ARL6IP5: variants seen among roughly 807,000 people sequenced by gnomAD.
ARL6IP5 encodes PRA1 family protein 3.
In ARL6IP5, 6 loss-of-function variants were observed where a neutral mutation model predicts 13.0. The observed-to-expected ratio is 0.46, with a 90% CI of 0.25 to 0.91. The LOEUF is 0.91. ARL6IP5 is among the 40% of genes least tolerant of loss of function. The pLI is 0.17. For synonymous variants in ARL6IP5, 91 were observed against 91.9 expected (o/e 0.99, Z 0.06); for missense variants, 208 against 248.8 (o/e 0.84, Z 1.10).
rs770764984 is a variant in ARL6IP5, at chr3:69,101,857, C to T, written c.195C>T (p.Asn65=). The T allele has an allele frequency of 6.2e-7, 1 of 1,613,700 alleles. No individual in the cohort carries two copies. Among genetic ancestry groups the T allele is most frequent in the Non-Finnish European group, 8.5e-7 (1 of 1,179,804 alleles). The change falls in exon 2 of 3, where the codon AAC becomes AAT. Residue 65 remains asparagine, a synonymous_variant. Coordinates refer to ENST00000273258, the MANE Select transcript of ARL6IP5 (RefSeq NM_006407.4). ...ISIVGFLSPF[N]MILGGIVVVL... ...ATTTCAGGTTTCTGAGTCCCTTCAACATGATCCTGGGAGGAATCGTGGTGG... is the reference window on the plus strand; with the variant it reads ...ATTTCAGGTTTCTGAGTCCCTTCAATATGATCCTGGGAGGAATCGTGGTGG...
At chr3:69,093,370 A>G (rs1283218821) in intron 1 of ARL6IP5, among the ~76,000 whole-genome samples, 3 of 152,156 alleles carry the variant, frequency 2.0e-5, no homozygotes, top group Non-Finnish European at 4.4e-5. Context: ...TCTGTAACAA[A>G]AGAGACAGGC....
chr3:69,086,015 G>A (rs1204630139), intron 1 of ARL6IP5, among the ~76,000 whole-genome samples: 1 of 152,096 alleles, frequency 6.6e-6, no homozygotes, highest in Non-Finnish European at 1.5e-5. Flanking sequence ...TGCTTCTCTC[G>A]CTTATGCAGG....
intron 1 of ARL6IP5, among the ~76,000 whole-genome samples, chr3:69,091,005 C>G (rs1452595290): frequency 6.6e-6 from 1 of 151,984 alleles, no homozygotes; most frequent in South Asian, 2.1e-4. Context: ...AAGACCAGCC[C>G]GGGCAACATG....
chr3:69,098,985 T>A (rs1289225096), intron 1 of ARL6IP5, among the ~76,000 whole-genome samples: 1 of 151,872 alleles, frequency 6.6e-6, no homozygotes, highest in Non-Finnish European at 1.5e-5. Flanking sequence ...GAGGAGGGGA[T>A]TTATTGGCTT....
intron 1 of ARL6IP5, 83 bp downstream of exon 1, chr3:69,085,306 A>G: frequency 6.8e-7 from 1 of 1,472,876 alleles, no homozygotes; most frequent in South Asian, 1.3e-5. Context: ...GGATGTAGAG[A>G]CGCTCTCTGA....
intron 1 of ARL6IP5, chr3:69,090,107 T>G (rs2092260578): frequency 4.1e-6 from 1 of 244,116 alleles, no homozygotes; most frequent in Non-Finnish European, 8.4e-6. Flanking sequence ...TCGTATTGTT[T>G]GTACCTTTAA....
intron 1 of ARL6IP5, chr3:69,099,908 A>G (rs2092300066): frequency 6.5e-6 from 1 of 152,696 alleles, no homozygotes; most frequent in African/African-American, 2.4e-5. Flanking sequence ...AATGCCCAAA[A>G]CTTTGTCTAA....
intron 1 of ARL6IP5, among the ~76,000 whole-genome samples, chr3:69,089,457 A>G (rs1315708664): frequency 6.6e-6 from 1 of 152,096 alleles, no homozygotes; most frequent in Non-Finnish European, 1.5e-5. Flanking sequence ...ACCAAATTCA[A>G]CTGCATCCCT....
intron 1 of ARL6IP5, among the ~76,000 whole-genome samples, chr3:69,098,285 C>T (rs1318859043): frequency 5.3e-5 from 7 of 130,864 alleles, no homozygotes; most frequent in Admixed American, 5.2e-4. Context: ...GCTCTTGTTG[C>T]CCAGGCTGGA....
chr3:69,097,924 G>A (rs533878728), intron 1 of ARL6IP5, among the ~76,000 whole-genome samples: 167 of 152,324 alleles, frequency 1.1e-3, no homozygotes, highest in African/African-American at 3.7e-3. Flanking sequence ...TGTTGTTGGC[G>A]AGATGGGACA....
chr3:69,098,524 C>T lies in ARL6IP5; in HGVS notation c.177-3315C>T, dbSNP rs539313558. ...CCTCCCAAAGTGCTGGGATTACAGA[C>T]ATGAGCCACCATGCCCAGCCCAGGC... On this transcript the variant is annotated intron_variant, in intron 1 of 2. Transcript: ENST00000273258. 2.6e-5 allele frequency among the ~76,000 whole-genome samples: 4 copies of T among 152,148 alleles called. No homozygotes were observed. In the South Asian group the frequency reaches 8.3e-4, roughly 32 times the overall value.
At chr3:69,094,488 C>T (rs1178774761) in intron 1 of ARL6IP5, among the ~76,000 whole-genome samples, 1 of 152,140 alleles carries the variant, frequency 6.6e-6, no homozygotes, top group African/African-American at 2.4e-5. Context: ...AGTGATCCCT[C>T]TGGCTGATTA....
At chr3:69,096,562 G>A (rs1265844114) in intron 1 of ARL6IP5, among the ~76,000 whole-genome samples, 2 of 143,850 alleles carry the variant, frequency 1.4e-5, no homozygotes, top group Non-Finnish European at 3.0e-5. Flanking sequence ...CTCCATTTGA[G>A]TTCTTTGTGT....
intron 1 of ARL6IP5, among the ~76,000 whole-genome samples, chr3:69,086,978 G>A (rs192745521): frequency 1.5e-4 from 23 of 151,996 alleles, no homozygotes; most frequent in Admixed American, 9.8e-4. Context: ...GATTACAGGC[G>A]TGAGCCTCTG....
At chr3:69,093,253 G>T (rs2107512003) in intron 1 of ARL6IP5, among the ~76,000 whole-genome samples, 1 of 152,244 alleles carries the variant, frequency 6.6e-6, no homozygotes, top group Admixed American at 6.5e-5. Context: ...TGTTTAATTT[G>T]TGCCAAATTA....
chr3:69,086,345 C>A (rs1012627597), intron 1 of ARL6IP5, among the ~76,000 whole-genome samples: 1 of 152,144 alleles, frequency 6.6e-6, no homozygotes, highest in African/African-American at 2.4e-5. Flanking sequence ...GAATTCTGGC[C>A]CAGGGGCTCC....
rs1350864087 is a variant in ARL6IP5 at position 69,105,159 on chromosome 3, G to C, written c.*523G>C. The C allele has an allele frequency of 2.7e-6, 1 of 364,678 alleles. No individual in the cohort carries two copies. Among genetic ancestry groups the C allele is most frequent in the Non-Finnish European group, 4.9e-6 (1 of 202,136 alleles). The allele number at this position is 364,678 out of a possible 1,614,324, so 22.6% of individuals were successfully genotyped here. On this transcript the variant is annotated 3_prime_UTR_variant, in exon 3 of 3. Transcript: ENST00000273258. ...CACTTTGCCACCTGTTTGATGTGCA[G>C]TGGAAACTGGTTAAGCCAGTTGTTC... is the stretch of plus-strand genomic sequence containing the variant.
At chr3:69,089,949 T>A in intron 1 of ARL6IP5, 1 of 440,784 alleles carries the variant, frequency 2.3e-6, no homozygotes, top group Non-Finnish European at 4.5e-6. Context: ...ATGCTTTCAG[T>A]TACTCAAGAT....
At chr3:69,090,479 A>G (rs941978833) in intron 1 of ARL6IP5, among the ~76,000 whole-genome samples, 1 of 152,238 alleles carries the variant, frequency 6.6e-6, no homozygotes, top group Non-Finnish European at 1.5e-5. Flanking sequence ...AAGTATAGCA[A>G]GTGTACAGAA....
Sources: allele counts gnomAD v4.1 joint callset (sites outside exome capture counted in the v4.1 genomes callset), GRCh38; gene constraint gnomAD v4.1.1; transcripts MANE v1.5; gene names NCBI Gene and HGNC (gene_info 2026-07-23, HGNC 2026-07-21).